RAB6A: variants seen among roughly 807,000 people sequenced by gnomAD.
RAB6A encodes the protein ras-related protein Rab-6A.
RAB6A carries 8 observed loss-of-function variants against 32.3 expected under a neutral mutation model. The ratio of observed to expected loss-of-function variants is 0.25; its 90% CI spans 0.15 to 0.45. RAB6A has a LOEUF of 0.45. RAB6A is among the 20% of genes least tolerant of loss of function. The pLI, the probability that RAB6A is intolerant of heterozygous loss-of-function variation, is 1.00. For synonymous variants in RAB6A, 73 were observed against 82.1 expected, an observed-to-expected ratio of 0.89 and a Z score of 0.60; for missense variants, 104 against 249.4, an observed-to-expected ratio of 0.42 and a Z score of 3.93.
At chr11:73,739,556 A>C (rs1245563489) in intron 1 of RAB6A, among the ~76,000 whole-genome samples, 3 of 151,332 alleles carry the variant, frequency 2.0e-5, no homozygotes, top group Non-Finnish European at 4.4e-5. Context: ...GGCTCACTGC[A>C]GTGCCAAGTC....
At chr11:73,728,147 A>G (rs1228835265) in intron 2 of RAB6A, among the ~76,000 whole-genome samples, 1 of 152,216 alleles carries the variant, frequency 6.6e-6, no homozygotes, top group Non-Finnish European at 1.5e-5. Context: ...CTTGCTCTTA[A>G]GATTACTAAT....
chr11:73,720,632 TTTAA>T (rs1466673817), intron 3 of RAB6A, among the ~76,000 whole-genome samples: 2 of 152,246 alleles, frequency 1.3e-5, no homozygotes, highest in African/African-American at 4.8e-5. Flanking sequence ...AAAATTCTCC[TTTAA>T]TTCTCTGTAA....
At chr11:73,716,440 A>C in intron 4 of RAB6A, 78 bp from the exon 5 acceptor site, 1 of 997,536 alleles carries the variant, frequency 1.0e-6, no homozygotes, top group Non-Finnish European at 1.5e-6. Context: ...CCCTCCAAAA[A>C]AGCCCTGGAA....
intron 5 of RAB6A, among the ~76,000 whole-genome samples, chr11:73,714,203 A>AG (rs1202329143): frequency 1.6e-5 from 1 of 62,612 alleles, no homozygotes; most frequent in Non-Finnish European, 3.2e-5. Context: ...AAAAAAAAAA[A>AG]AAAAAAATAT....
chr11:73,760,651 G>A lies in RAB6A; in HGVS notation c.-16C>T. The A allele has an allele frequency of 6.2e-7, 1 of 1,603,000 alleles. No individual in the cohort carries two copies. The highest frequency in any genetic ancestry group is 8.5e-7 in the Non-Finnish European group (1 of 1,175,236). On this transcript the variant is annotated 5_prime_UTR_variant, in exon 1 of 8. Transcript: ENST00000336083. ...CCGTGGACATTGTGGAACTAGAGGA[G>A]CGGCCGCCGCCTCAGCCTAGAGACC... is the stretch of plus-strand genomic sequence containing the variant.
intron 7 of RAB6A, among the ~76,000 whole-genome samples, chr11:73,678,669 T>G (rs1246047651): frequency 2.6e-5 from 4 of 151,718 alleles, no homozygotes; most frequent in African/African-American, 9.7e-5. Flanking sequence ...TAGAACATTT[T>G]TTGTTGTTGT....
rs996304793 is a variant in RAB6A at position 73,746,755 on chromosome 11, T to C, written c.70+13811A>G. On this transcript the variant is annotated intron_variant, in intron 1 of 7. Transcript: ENST00000336083. ...CAACCAGGGAGACGTAGCAAAACTC[T>C]GCCTCGAAATAAATTAAAAAAAAAA... Among the ~76,000 whole-genome samples, 54 of 149,368 alleles carry C rather than the reference T, an allele frequency of 3.6e-4. 1 individual carries two copies. The highest frequency in any genetic ancestry group is 5.4e-4 in the Admixed American group (8 of 14,846).
At position 73,705,100 on chromosome 11, in the gene RAB6A, A is replaced by C. The variant is rs183345787; in HGVS notation, c.495+2320T>G. Among the ~76,000 whole-genome samples, 723 of 152,340 alleles carry C rather than the reference A, an allele frequency of 4.7e-3. 1 individual carries two copies. The highest frequency in any genetic ancestry group is 0.014 in the Middle Eastern group (4 of 294). On this transcript the variant is annotated intron_variant, in intron 6 of 7. Transcript: ENST00000336083. ...ACATCAGTGGTGCTTACTGTATGCT[A>C]TCTGATAATTCTAGAGTTTCTAAAC...
intron 5 of RAB6A, among the ~76,000 whole-genome samples, chr11:73,711,584 T>C (rs974766496): frequency 2.0e-5 from 3 of 152,230 alleles, no homozygotes; most frequent in African/African-American, 7.2e-5. Flanking sequence ...CTATAGGAAA[T>C]AGACTTGTAC....
Position 73,724,137 on chromosome 11 carries a change from A to G in RAB6A, c.130-3238T>C, listed in dbSNP as rs1016820990. On this transcript the variant is annotated intron_variant, in intron 2 of 7. Coordinates refer to ENST00000336083, the MANE Select transcript of RAB6A (RefSeq NM_198896.2). ...GGATTACTGCATATAGGCTGCAGAA[A>G]GTTCACACTCAAGAACAGCTATGTA... Among the ~76,000 whole-genome samples the G allele has an allele frequency of 1.4e-4, 22 of 152,236 alleles. 1 individual carries two copies. The highest frequency in any genetic ancestry group is 5.9e-5 in the Non-Finnish European group (4 of 68,036).
At chr11:73,708,400 C>T (rs1254929255) in intron 5 of RAB6A, among the ~76,000 whole-genome samples, 1 of 152,138 alleles carries the variant, frequency 6.6e-6, no homozygotes, top group Non-Finnish European at 1.5e-5. Context: ...AACTCCTGAC[C>T]TCAGGTGATC....
intron 6 of RAB6A, among the ~76,000 whole-genome samples, chr11:73,706,049 A>G (rs771523743): frequency 6.6e-6 from 1 of 152,230 alleles, no homozygotes; most frequent in Non-Finnish European, 1.5e-5. Flanking sequence ...CCATGAAACA[A>G]TATGTTAATG....
intron 6 of RAB6A, among the ~76,000 whole-genome samples, chr11:73,697,727 T>G (rs971965438): frequency 5.3e-5 from 8 of 152,212 alleles, no homozygotes; most frequent in Non-Finnish European, 1.2e-4. Flanking sequence ...CATACCAGAA[T>G]GTAAGCTCCA....
In RAB6A at chr11:73,707,521, G is replaced by C; in HGVS notation, c.402-8C>G. The C allele has an allele frequency of 1.3e-6, 2 of 1,588,014 alleles. No individual in the cohort carries two copies. Among genetic ancestry groups the C allele is most frequent in the East Asian group, 4.5e-5 (2 of 44,702 alleles). ...TCCTCAATTGACACTTGCCTGTAAA[G>C]AAACAAACAAACTTCTTACTTTTGA... On this transcript the variant is annotated splice_polypyrimidine_tract_variant and splice_region_variant and intron_variant, in intron 5 of 7. Coordinates refer to ENST00000336083, the MANE Select transcript of RAB6A (RefSeq NM_198896.2).
chr11:73,730,618 A>G (rs1484267832), intron 2 of RAB6A, 147 bp downstream of exon 2: 2 of 641,668 alleles, frequency 3.1e-6, no homozygotes, highest in Non-Finnish European at 5.3e-6. Context: ...GGACAAAATC[A>G]TTTACACATT....
At chr11:73,727,575 G>A (rs1946241489) in intron 2 of RAB6A, among the ~76,000 whole-genome samples, 1 of 151,970 alleles carries the variant, frequency 6.6e-6, no homozygotes, top group Admixed American at 6.6e-5. Flanking sequence ...CTAAATGGTA[G>A]AACTAAGACA....
At chr11:73,721,977 G>T (rs576329990) in intron 2 of RAB6A, among the ~76,000 whole-genome samples, 2 of 151,926 alleles carry the variant, frequency 1.3e-5, no homozygotes, top group Non-Finnish European at 2.9e-5. Context: ...TTTATAAAAG[G>T]ATTTCCCCTC....
In RAB6A at chr11:73,760,703, C is replaced by G; in HGVS notation, c.-68G>C. ...CCCGGACCGATGCTGCTCCAGCCAG[C>G]TGACGAAAAAGGCGAGCGGAAGGGC... On this transcript the variant is annotated 5_prime_UTR_variant, in exon 1 of 8. Coordinates refer to ENST00000336083, the MANE Select transcript of RAB6A (RefSeq NM_198896.2). 3 of 1,555,320 alleles carry G rather than the reference C, an allele frequency of 1.9e-6. No homozygotes were observed. Among genetic ancestry groups the G allele is most frequent in the African/African-American group, 2.7e-5 (2 of 73,404 alleles).
intron 6 of RAB6A, among the ~76,000 whole-genome samples, chr11:73,695,197 G>A (rs997295451): frequency 1.3e-5 from 2 of 151,628 alleles, no homozygotes; most frequent in Non-Finnish European, 2.9e-5. Context: ...ACTTTACAAA[G>A]GTTTTCAAAT....
Sources: gnomAD v4.1 joint callset for allele counts (sites outside exome capture counted in the v4.1 genomes callset) on GRCh38, gnomAD v4.1.1 for gene constraint, MANE v1.5 for transcripts, NCBI Gene and HGNC (gene_info 2026-07-23, HGNC 2026-07-21) for gene names.